ABCG5: variants seen among roughly 807,000 people sequenced by gnomAD.
ABCG5 encodes ATP binding cassette subfamily G member 5, also known as ATP-binding cassette sub-family G member 5.
A neutral mutation model predicts 64.5 loss-of-function variants in ABCG5; 64 were observed. That is an observed-to-expected ratio of 0.99 (90% CI 0.81 to 1.22). The LOEUF (loss-of-function observed/expected upper bound fraction) is 1.22, where lower values mean the gene tolerates loss of function less well. ABCG5 is among the 50% of genes most tolerant of loss of function. The pLI is 0.00. For missense variants in ABCG5, 908 were observed against 829.5 expected (o/e 1.09, Z -1.16); for synonymous variants, 385 against 326.3 (o/e 1.18, Z -1.94).
downstream of ABCG5, among the ~76,000 whole-genome samples, chr2:43,808,652 GA>G (rs1029227880): frequency 6.6e-6 from 1 of 152,110 alleles, no homozygotes; most frequent in African/African-American, 2.4e-5. Flanking sequence ...TACTCCTTGT[GA>G]AAAAATTCAA....
intron 9 of ABCG5, among the ~76,000 whole-genome samples, chr2:43,823,684 A>C (rs1667399167): frequency 1.3e-5 from 2 of 152,120 alleles, no homozygotes; most frequent in Non-Finnish European, 2.9e-5. Context: ...GTACATTGTC[A>C]CTTCATGTTT....
intron 4 of ABCG5, among the ~76,000 whole-genome samples, chr2:43,831,295 C>A (rs1193191242): frequency 6.6e-6 from 1 of 152,160 alleles, no homozygotes; most frequent in Non-Finnish European, 1.5e-5. Context: ...GCCTCAGCCT[C>A]CTTAGCAGCT....
chr2:43,831,889 G>A (rs1208992111), intron 3 of ABCG5, 22 bp from the exon 4 acceptor site: 17 of 1,548,456 alleles, frequency 1.1e-5, no homozygotes, highest in Non-Finnish European at 1.5e-5. Flanking sequence ...TCGGGCGTCA[G>A]TGTAGCCTAA....
intron 4 of ABCG5, chr2:43,828,529 G>A: frequency 2.7e-6 from 1 of 373,610 alleles, no homozygotes; most frequent in East Asian, 7.6e-5. Context: ...GGGTATGCTG[G>A]CACGTGCCTG....
At position 43,837,952 on chromosome 2, in the gene ABCG5, G is replaced by T; in HGVS notation, c.147C>A (p.His49Gln). The change falls in exon 2 of 13, where the codon CAC (histidine) becomes CAA (glutamine). Residue 49 changes from histidine (H) to glutamine (Q), a missense_variant. Physicochemically the swap from His to Gln is conservative, Grantham distance 24 (BLOSUM62 0). Transcript: ENST00000405322. ...TGATGTCCCACCAGGGCCTCACGCG[G>T]TGGCTTTAAAGGAAACCCCAGGAAG... Reference protein sequence around the residue: ...GILHASYSVSHRVRPWWDITS... With the variant: ...GILHASYSVSQRVRPWWDITS... The T allele has an allele frequency of 6.2e-7, 1 of 1,614,006 alleles. No homozygotes were observed.
chr2:43,820,494 G>A (rs763067400), intron 10 of ABCG5, among the ~76,000 whole-genome samples: 1 of 151,980 alleles, frequency 6.6e-6, no homozygotes, highest in Non-Finnish European at 1.5e-5. Flanking sequence ...CACCCAACCC[G>A]CTTCCCAGCA....
downstream of ABCG5, among the ~76,000 whole-genome samples, chr2:43,808,395 A>G (rs1666348932): frequency 6.6e-6 from 1 of 152,226 alleles, no homozygotes; most frequent in African/African-American, 2.4e-5. Context: ...GAAAATTAGA[A>G]TGGATTTTCT....
intron 11 of ABCG5, among the ~76,000 whole-genome samples, chr2:43,817,771 G>A (rs1374296600): frequency 6.6e-6 from 1 of 151,940 alleles, no homozygotes; most frequent in African/African-American, 2.4e-5. Context: ...TTAGCCAGGT[G>A]TAATGGCAGG....
At chr2:43,822,475 CA>C (rs1450734393) in intron 10 of ABCG5, 124 of 660,324 alleles carry the variant, frequency 1.9e-4, no homozygotes, top group South Asian at 2.8e-4. Context: ...TCCCCTCCCC[CA>C]GGCCCCCCCC....
rs775193449 is a variant in ABCG5, at chr2:43,826,347, C to A, written c.774+35G>T. ...CCCCTGTGATTCCCAGCTCAACACA[C>A]CATAGACCCGGCCTTTACGAGTTGA... On this transcript the variant is annotated intron_variant, in intron 6 of 12. Transcript: ENST00000405322. The A allele has an allele frequency of 1.9e-6, 3 of 1,613,244 alleles. No homozygotes were observed. In the South Asian group the frequency reaches 3.3e-5, roughly 18 times the overall value.
In ABCG5 at chr2:43,828,133, TA is replaced by T. The variant is rs1667735401; in HGVS notation, c.502-19del. ...GCCTCCACCTGCAGGAGACACAAAT[TA>T]CAGGAAGGCTGGGAGTCTCTGTGGC... On this transcript the variant is annotated intron_variant, in intron 4 of 12. Coordinates refer to ENST00000405322, the MANE Select transcript of ABCG5 (RefSeq NM_022436.3). 4 of 1,613,608 alleles carry T rather than the reference TA, an allele frequency of 2.5e-6. No homozygotes were observed. The highest frequency in any genetic ancestry group is 3.4e-6 in the Non-Finnish European group (4 of 1,179,948).
chr2:43,809,979 A>T, downstream of ABCG5: 1 of 1,251,214 alleles, frequency 8.0e-7, no homozygotes, highest in East Asian at 3.2e-5. Flanking sequence ...ATTTTTTTTA[A>T]AATAAAAGAA....
chr2:43,828,682 T>C (rs1222484446), intron 4 of ABCG5, among the ~76,000 whole-genome samples: 1 of 147,940 alleles, frequency 6.8e-6, no homozygotes, highest in Non-Finnish European at 1.5e-5. Flanking sequence ...TAAAATAAAA[T>C]GGGCCTGGCA....
At chr2:43,806,849 A>G in the ABCG5 span, among the ~76,000 whole-genome samples, 1 of 152,202 alleles carries the variant, frequency 6.6e-6, no homozygotes, top group Non-Finnish European at 1.5e-5. Context: ...CATCTCTTGT[A>G]TCTCACTGCC....
chr2:43,838,250 A>C lies in ABCG5; in HGVS notation c.143+287T>G, dbSNP rs1572809912. On this transcript the variant is annotated intron_variant, in intron 1 of 12. Coordinates refer to ENST00000405322, the MANE Select transcript of ABCG5 (RefSeq NM_022436.3). This position sits in a 1 kb window ranked among gnomAD's most constrained non-coding sequence, Gnocchi z 4.2. The stretch of plus-strand genomic sequence containing the variant: ...TTTCAAGACTCCTTGCATTCGCAGT[A>C]CCCCCATTCCCATCCACAGAGGGCA... 1.7e-6 allele frequency: 1 copy of C among 593,848 alleles called. No homozygotes were observed. The highest frequency in any genetic ancestry group is 2.0e-5 in the South Asian group (1 of 49,960). The allele number at this position is 593,848 out of a possible 1,614,324, so 36.8% of individuals were successfully genotyped here.
chr2:43,811,872 G>T (rs914320176), downstream of ABCG5, among the ~76,000 whole-genome samples: 1 of 152,088 alleles, frequency 6.6e-6, no homozygotes, highest in African/African-American at 2.4e-5. Flanking sequence ...GGGATTACAG[G>T]CATGAGCCAC....
At chr2:43,829,610 C>T (rs561313298) in intron 4 of ABCG5, among the ~76,000 whole-genome samples, 1 of 152,276 alleles carries the variant, frequency 6.6e-6, no homozygotes, top group African/African-American at 2.4e-5. Context: ...ATCTCCTCTC[C>T]AGAGACCTGT....
At chr2:43,825,079 T>C (rs904965047) in intron 6 of ABCG5, 61 bp from the exon 7 acceptor site, 47 of 1,596,338 alleles carry the variant, frequency 2.9e-5, no homozygotes, top group Non-Finnish European at 1.9e-5. Context: ...ACTTTGAATG[T>C]CTCTGGGAAC....
rs552616966 is a variant in ABCG5, at chr2:43,835,083, C to G, written c.265+2751G>C. On this transcript the variant is annotated intron_variant, in intron 2 of 12. Transcript: ENST00000405322. ...GATACAGTAGAATACAGTCCCTGCC[C>G]TTGTAGAACTTGCAGCCCACTGTGG... is the stretch of plus-strand genomic sequence containing the variant. 1.2e-4 allele frequency among the ~76,000 whole-genome samples: 19 copies of G among 152,306 alleles called. 1 individual carries two copies. The South Asian group carries it at 3.1e-3, about 25-fold the overall frequency.
Sources: allele counts gnomAD v4.1 joint callset (sites outside exome capture counted in the v4.1 genomes callset), GRCh38; gene constraint gnomAD v4.1.1; non-coding constraint Gnocchi (gnomAD v3.1); transcripts MANE v1.5; gene names NCBI Gene and HGNC (gene_info 2026-07-23, HGNC 2026-07-21).